Variants in OTUD7A observed in about 807,000 individuals in gnomAD.
OTUD7A encodes OTU domain-containing protein 7A.
Under a neutral mutation model 65.7 loss-of-function variants are expected in OTUD7A, and 12 were observed. The ratio of observed to expected loss-of-function variants is 0.18; its 90% CI spans 0.12 to 0.30. OTUD7A has a LOEUF of 0.30. Among genes scored for constraint, OTUD7A ranks in the 10% least tolerant of loss-of-function variants. OTUD7A has a pLI of 1.00. For missense variants in OTUD7A, 1,148 were observed against 1,304.8 expected (o/e 0.88, Z 1.85); for synonymous variants, 641 against 586.3 (o/e 1.09, Z -1.35).
intron 1 of OTUD7A, among the ~76,000 whole-genome samples, chr15:31,700,657 T>C (rs1893193865): frequency 6.6e-6 from 1 of 151,990 alleles, no homozygotes; most frequent in South Asian, 2.1e-4. Flanking sequence ...TCTGCTTTCC[T>C]TGTCCCTTGT....
chr15:31,785,518 C>T (rs1895649461), intron 1 of OTUD7A, among the ~76,000 whole-genome samples: 1 of 152,128 alleles, frequency 6.6e-6, no homozygotes. Flanking sequence ...CTTCCACAAC[C>T]TTCTCTCATT....
intron 1 of OTUD7A, chr15:31,767,104 T>C: frequency 6.5e-7 from 1 of 1,549,968 alleles, no homozygotes; most frequent in Non-Finnish European, 8.8e-7. Flanking sequence ...CTCAGTAGAA[T>C]CTGATTCTTC....
chr15:31,868,690 T>C (rs971383776), intron 1 of OTUD7A, among the ~76,000 whole-genome samples: 1 of 151,964 alleles, frequency 6.6e-6, no homozygotes, highest in Non-Finnish European at 1.5e-5. Flanking sequence ...CCCCTCTCCT[T>C]CTCCACCAAG....
chr15:31,552,567 C>T (rs1429584073), intron 5 of OTUD7A, among the ~76,000 whole-genome samples: 4 of 152,216 alleles, frequency 2.6e-5, no homozygotes, highest in Admixed American at 2.6e-4. Flanking sequence ...TCACAACAGC[C>T]CCACAAGGTG....
intron 2 of OTUD7A, among the ~76,000 whole-genome samples, chr15:31,656,189 G>A (rs1005215152): frequency 6.6e-6 from 1 of 152,236 alleles, no homozygotes; most frequent in African/African-American, 2.4e-5. Flanking sequence ...CAGGCTGACT[G>A]TAGCAGCTGA....
chr15:31,545,367 C>CTTA (rs1405972413), intron 5 of OTUD7A, among the ~76,000 whole-genome samples: 5 of 151,866 alleles, frequency 3.3e-5, no homozygotes, highest in Admixed American at 6.6e-5. Context: ...GCAAAGGTTT[C>CTTA]TTAAGCTGAA....
chr15:31,723,910 C>T (rs1484560490), intron 1 of OTUD7A, among the ~76,000 whole-genome samples: 1 of 97,342 alleles, frequency 1.0e-5, no homozygotes. Context: ...AGGTGAGTGC[C>T]GTCTCCCCAC....
At chr15:31,793,688 A>G (rs1895878459) in intron 1 of OTUD7A, among the ~76,000 whole-genome samples, 1 of 152,268 alleles carries the variant, frequency 6.6e-6, no homozygotes, top group Non-Finnish European at 1.5e-5. Flanking sequence ...GTCATTCATA[A>G]AAGACCATTT....
Position 31,479,661 on chromosome 15 carries a change from T to TGC in OTUD7A, c.*3632_*3633insGC, listed in dbSNP as rs1555388194. 2 of 71,454 alleles carry TGC rather than the reference T, an allele frequency of 2.8e-5. No homozygotes were observed. The highest frequency in any genetic ancestry group is 3.1e-4 in the Admixed American group (2 of 6,470). The allele number at this position is 71,454 out of a possible 1,614,324, so 4.4% of individuals were successfully genotyped here. On this transcript the variant is annotated 3_prime_UTR_variant, in exon 13 of 13. Coordinates refer to ENST00000307050, the MANE Select transcript of OTUD7A (RefSeq NM_001382637.1). ...GCAAAATAAGTTTGTGGACACTAAG[T>TGC]GGGGGGGGGGGGTGATGGGCCCATG...
In OTUD7A at chr15:31,482,287, G is replaced by C. The variant is rs926683122; in HGVS notation, c.*1007C>G. The C allele has an allele frequency of 1.3e-5, 2 of 152,424 alleles. No individual in the cohort carries two copies. Among genetic ancestry groups the C allele is most frequent in the African/African-American group, 4.8e-5 (2 of 41,454 alleles). The allele number at this position is 152,424 out of a possible 1,614,324, so 9.4% of individuals were successfully genotyped here. ...CCAGACAGATGCAGGTGTGGGGGTG[G>C]GCTTCCTTCCTGGTTCCCCCAGCCC... On this transcript the variant is annotated 3_prime_UTR_variant, in exon 13 of 13. Transcript: ENST00000307050.
intron 5 of OTUD7A, among the ~76,000 whole-genome samples, chr15:31,539,651 T>C (rs1391469503): frequency 6.6e-6 from 1 of 152,194 alleles, no homozygotes; most frequent in Non-Finnish European, 1.5e-5. Flanking sequence ...CTAGTTGACA[T>C]TACTAAGTTA....
chr15:31,651,335 A>C (rs1001489771), intron 3 of OTUD7A, among the ~76,000 whole-genome samples: 21 of 150,942 alleles, frequency 1.4e-4, no homozygotes, highest in Non-Finnish European at 1.5e-5. Flanking sequence ...TCACCTGATA[A>C]AGACCATCTA....
intron 7 of OTUD7A, 56 bp from the exon 8 acceptor site, chr15:31,526,517 T>C: frequency 7.2e-7 from 1 of 1,386,256 alleles, no homozygotes; most frequent in Non-Finnish European, 9.7e-7. Context: ...GCTGCCCTCC[T>C]CTCCTCACCC....
rs539828684 is a variant in OTUD7A, at chr15:31,831,956, C to T, written c.-100+38551G>A. Among the ~76,000 whole-genome samples, 13 of 152,098 alleles carry T rather than the reference C, an allele frequency of 8.5e-5. No homozygotes were observed. In the East Asian group the frequency reaches 1.6e-3, roughly 19 times the overall value. On this transcript the variant is annotated intron_variant, in intron 1 of 12. Transcript: ENST00000307050. The stretch of plus-strand genomic sequence containing the variant: ...TGGAGAAATCAGACAGGTTGCCTGG[C>T]GGAAGGGCTGGGGCAGGGCATGAGG...
At chr15:31,543,855 C>T (rs771227917) in intron 5 of OTUD7A, among the ~76,000 whole-genome samples, 69 of 151,622 alleles carry the variant, frequency 4.6e-4, no homozygotes, top group Middle Eastern at 3.2e-3. Flanking sequence ...AAAAAATAAA[C>T]CAATAAATGT....
intron 1 of OTUD7A, among the ~76,000 whole-genome samples, chr15:31,674,410 T>C (rs1892551061): frequency 6.6e-6 from 1 of 152,110 alleles, no homozygotes; most frequent in African/African-American, 2.4e-5. Context: ...GGAAAATAAA[T>C]GAAGATACAA....
At chr15:31,586,745 T>C (rs1294642853) in intron 3 of OTUD7A, among the ~76,000 whole-genome samples, 1 of 152,200 alleles carries the variant, frequency 6.6e-6, no homozygotes, top group Non-Finnish European at 1.5e-5. Context: ...GCCTGCACTT[T>C]GCCAACCCCA....
intron 3 of OTUD7A, among the ~76,000 whole-genome samples, chr15:31,653,887 T>C (rs1470905568): frequency 2.0e-5 from 3 of 149,560 alleles, no homozygotes; most frequent in Admixed American, 6.7e-5. Flanking sequence ...TCTTCTATAC[T>C]TTTTTGAGCA....
At chr15:31,558,495 C>T (rs1888572269) in intron 5 of OTUD7A, 2 of 173,688 alleles carry the variant, frequency 1.2e-5, no homozygotes, top group East Asian at 1.5e-4. Context: ...CACTTAGTAC[C>T]CCAAAGCGTT....
Sources: gnomAD v4.1 joint callset for allele counts (sites outside exome capture counted in the v4.1 genomes callset) on GRCh38, gnomAD v4.1.1 for gene constraint, MANE v1.5 for transcripts, NCBI Gene and HGNC (gene_info 2026-07-23, HGNC 2026-07-21) for gene names.